PTPRT: variants seen among roughly 807,000 people sequenced by gnomAD.
PTPRT encodes receptor-type tyrosine-protein phosphatase T.
A neutral mutation model predicts 176.8 loss-of-function variants in PTPRT; 56 were observed. The ratio of observed to expected loss-of-function variants is 0.32; its 90% confidence interval spans 0.26 to 0.40. The LOEUF is 0.40. Among genes scored for constraint, PTPRT ranks in the 10% least tolerant of loss-of-function variants. PTPRT has a pLI of 1.00. For missense variants in PTPRT, 1,540 were observed against 1,908.2 expected, an observed-to-expected ratio of 0.81 and a Z score of 3.60; for synonymous variants, 783 against 739.0, an observed-to-expected ratio of 1.06 and a Z score of -0.96.
chr20:42,086,452 C>T (rs1600472508), intron 27 of PTPRT, among the ~76,000 whole-genome samples: 2 of 152,132 alleles, frequency 1.3e-5, no homozygotes, highest in Non-Finnish European at 1.5e-5. Context: ...TGAGTTTCCT[C>T]ATCTGTAAAA....
intron 6 of PTPRT, among the ~76,000 whole-genome samples, chr20:42,699,868 C>CA (rs964259063): frequency 1.3e-5 from 2 of 151,882 alleles, no homozygotes; most frequent in African/African-American, 4.8e-5. Flanking sequence ...AAGCAATTGA[C>CA]AAAAAAAGTA....
At chr20:42,305,367 G>GT (rs1446188580) in intron 12 of PTPRT, among the ~76,000 whole-genome samples, 3 of 148,278 alleles carry the variant, frequency 2.0e-5, no homozygotes, top group Non-Finnish European at 3.0e-5. Flanking sequence ...TAAAATAAAA[G>GT]TAAAAAAAAA....
At chr20:42,319,936 G>A (rs1282228064) in intron 11 of PTPRT, among the ~76,000 whole-genome samples, 1 of 151,994 alleles carries the variant, frequency 6.6e-6, no homozygotes, top group East Asian at 1.9e-4. Flanking sequence ...TTTTTTAGTA[G>A]GAAAAATCCC....
At chr20:42,082,942 A>G (rs1983485715) in intron 29 of PTPRT, among the ~76,000 whole-genome samples, 1 of 152,136 alleles carries the variant, frequency 6.6e-6, no homozygotes, top group Admixed American at 6.5e-5. Flanking sequence ...TGTTTCAAGT[A>G]CAGAGAGTTG....
intron 1 of PTPRT, among the ~76,000 whole-genome samples, chr20:42,993,451 T>C (rs1025819187): frequency 3.3e-5 from 3 of 92,060 alleles, no homozygotes; most frequent in African/African-American, 1.3e-4. Flanking sequence ...TATATATATA[T>C]ATGTATGTGT....
At chr20:42,743,913 T>C (rs1363146203) in intron 6 of PTPRT, among the ~76,000 whole-genome samples, 2 of 152,254 alleles carry the variant, frequency 1.3e-5, no homozygotes, top group African/African-American at 4.8e-5. Flanking sequence ...CCTTTCTAAA[T>C]GATTGGCGGT....
chr20:43,124,942 G>A (rs1023974376), intron 1 of PTPRT, among the ~76,000 whole-genome samples: 6 of 151,942 alleles, frequency 3.9e-5, no homozygotes, highest in Admixed American at 6.6e-5. Flanking sequence ...CTAATTTTAT[G>A]AATAAGGAAA....
intron 6 of PTPRT, among the ~76,000 whole-genome samples, chr20:42,704,489 G>A (rs1201420859): frequency 6.6e-6 from 1 of 151,316 alleles, no homozygotes; most frequent in African/African-American, 2.4e-5. Flanking sequence ...CCATAATCAA[G>A]CTTTCCTATT....
the PTPRT span, among the ~76,000 whole-genome samples, chr20:42,033,076 G>T: frequency 6.6e-6 from 1 of 152,184 alleles, no homozygotes; most frequent in Non-Finnish European, 1.5e-5. Context: ...TGTATGTGTG[G>T]TTAGGGCAGA....
chr20:42,218,858 C>T (rs1313276341), intron 15 of PTPRT, among the ~76,000 whole-genome samples: 1 of 152,120 alleles, frequency 6.6e-6, no homozygotes, highest in Non-Finnish European at 1.5e-5. Context: ...ATCGGGATGT[C>T]AAAATGTCAT....
At chr20:42,344,020 C>T (rs1328777658) in intron 11 of PTPRT, among the ~76,000 whole-genome samples, 1 of 152,242 alleles carries the variant, frequency 6.6e-6, no homozygotes, top group Admixed American at 6.5e-5. Context: ...GTGCCTCAGC[C>T]TCTCAACTAG....
intron 11 of PTPRT, among the ~76,000 whole-genome samples, chr20:42,333,281 A>T (rs1198373210): frequency 6.6e-6 from 1 of 152,162 alleles, no homozygotes; most frequent in Non-Finnish European, 1.5e-5. Flanking sequence ...GTATCTCTTC[A>T]CCCTAACTTT....
chr20:42,317,345 G>A (rs567529205), intron 11 of PTPRT, among the ~76,000 whole-genome samples: 4 of 152,254 alleles, frequency 2.6e-5, no homozygotes, highest in Admixed American at 2.6e-4. Context: ...TTGTAAGTTG[G>A]AGAACATTTT....
chr20:42,710,756 C>A (rs1408494736), intron 6 of PTPRT, among the ~76,000 whole-genome samples: 1 of 152,224 alleles, frequency 6.6e-6, no homozygotes, highest in Non-Finnish European at 1.5e-5. Flanking sequence ...CTCCAGATCC[C>A]AGAATGGTAG....
rs188726165 is a variant in PTPRT, at chr20:42,373,627, A to G, written c.1561-21342T>C. On this transcript the variant is annotated intron_variant, in intron 9 of 30. Coordinates refer to ENST00000373187, the MANE Select transcript of PTPRT (RefSeq NM_007050.6). ...TGAATTCGCAGTTGTAATAATAGAG[A>G]TTATGGACATACATATAGAGGCGTC... is the stretch of plus-strand genomic sequence containing the variant. Among the ~76,000 whole-genome samples, 36 of 152,336 alleles carry G rather than the reference A, an allele frequency of 2.4e-4. 1 individual carries two copies. Among genetic ancestry groups the G allele is most frequent in the African/African-American group, 8.2e-4 (34 of 41,558 alleles).
intron 6 of PTPRT, among the ~76,000 whole-genome samples, chr20:42,725,121 T>C (rs1437747036): frequency 1.3e-5 from 2 of 151,458 alleles, no homozygotes; most frequent in African/African-American, 4.8e-5. Flanking sequence ...TCCACCTCCC[T>C]GGTTCAAGCA....
chr20:43,134,946 C>T (rs146602976), intron 1 of PTPRT, among the ~76,000 whole-genome samples: 10 of 152,162 alleles, frequency 6.6e-5, no homozygotes, highest in African/African-American at 2.2e-4. Context: ...TACCAGCATC[C>T]CTGGCCTCAA....
chr20:42,199,937 G>T (rs1991383179), intron 15 of PTPRT, among the ~76,000 whole-genome samples: 1 of 151,826 alleles, frequency 6.6e-6, no homozygotes, highest in South Asian at 2.1e-4. Flanking sequence ...ATTCCCATGG[G>T]AATAAAAGAC....
intron 2 of PTPRT, among the ~76,000 whole-genome samples, chr20:42,825,578 T>G (rs1451707193): frequency 2.0e-5 from 3 of 152,146 alleles, no homozygotes; most frequent in African/African-American, 7.2e-5. Flanking sequence ...TAAATAGTAA[T>G]CTACATATAG....
Sources: gnomAD v4.1 joint callset for allele counts (sites outside exome capture counted in the v4.1 genomes callset) on GRCh38, gnomAD v4.1.1 for gene constraint, MANE v1.5 for transcripts, NCBI Gene and HGNC (gene_info 2026-07-23, HGNC 2026-07-21) for gene names.